Variants in TBX4 observed in about 807,000 individuals in gnomAD.
TBX4 encodes T-box transcription factor TBX4.
TBX4 carries 13 observed loss-of-function variants against 54.6 expected under a neutral mutation model. The ratio of observed to expected loss-of-function variants is 0.24; its 90% CI spans 0.15 to 0.38. TBX4 has a LOEUF of 0.38. TBX4 is among the 10% of genes least tolerant of loss of function. The probability of loss-of-function intolerance (pLI) is 1.00; values close to 1 mark genes in which losing one functional copy is unlikely to be tolerated. For synonymous variants in TBX4, 314 were observed against 306.7 expected (o/e 1.02, Z -0.25); for missense variants, 631 against 728.5 (o/e 0.87, Z 1.54).
chr17:61,481,757 T>G lies in TBX4; in HGVS notation c.1022-1140T>G, dbSNP rs1328530049. On this transcript the variant is annotated intron_variant, in intron 8 of 8. Transcript: ENST00000644296. This position sits in a 1 kb window ranked among gnomAD's most constrained non-coding sequence, Gnocchi z 4.8. ...CAAGATGAGCCATGGATGTGTGGGG[T>G]TTTTGTTGTTGTTGTTGTCCTTGTT... The G allele has an allele frequency of 2.6e-5, 4 of 151,532 alleles. No individual in the cohort carries two copies. Among genetic ancestry groups the G allele is most frequent in the Non-Finnish European group, 5.9e-5 (4 of 68,074 alleles). 9.4% of individuals were successfully genotyped at this position (151,532 alleles called of 1,614,324 possible).
intron 1 of TBX4, chr17:61,452,788 T>G: frequency 1.7e-5 from 8 of 482,966 alleles, no homozygotes; most frequent in Non-Finnish European, 2.2e-5. Flanking sequence ...CGACACCCAG[T>G]AGTTGGGGCA....
In TBX4 at chr17:61,474,348, C is replaced by G. The variant is rs1379894283; in HGVS notation, c.550-4279C>G. Among the ~76,000 whole-genome samples the G allele has an allele frequency of 6.6e-6, 1 of 152,286 alleles. No individual in the cohort carries two copies. Among genetic ancestry groups the G allele is most frequent in the East Asian group, 1.9e-4 (1 of 5,186 alleles). ...GAGCTTGTTGAGAGCAGTGTGTGCTCTCTCACAGGCCATCTGGATCCTGCT... is the reference window on the plus strand; with the variant it reads ...GAGCTTGTTGAGAGCAGTGTGTGCTGTCTCACAGGCCATCTGGATCCTGCT... On this transcript the variant is annotated intron_variant, in intron 5 of 8. Coordinates refer to ENST00000644296, the MANE Select transcript of TBX4 (RefSeq NM_001321120.2). This position sits in a 1 kb window ranked among gnomAD's most constrained non-coding sequence, Gnocchi z 4.6.
chr17:61,475,721 G>A lies in TBX4; in HGVS notation c.550-2906G>A, dbSNP rs1238623568. Among the ~76,000 whole-genome samples the A allele has an allele frequency of 6.6e-6, 1 of 152,164 alleles. No homozygotes were observed. The highest frequency in any genetic ancestry group is 6.5e-5 in the Admixed American group (1 of 15,284). On this transcript the variant is annotated intron_variant, in intron 5 of 8. Coordinates refer to ENST00000644296, the MANE Select transcript of TBX4 (RefSeq NM_001321120.2). This position sits in a 1 kb window ranked among gnomAD's most constrained non-coding sequence, Gnocchi z 5.0. ...GTGTCACAGGAGCAGGGTGGCTGCTGCCATGTGTCCTAGTGTCCTGCACAG... is the reference window on the plus strand; with the variant it reads ...GTGTCACAGGAGCAGGGTGGCTGCTACCATGTGTCCTAGTGTCCTGCACAG...
rs2060652349 is a variant in TBX4 at position 61,480,047 on chromosome 17, C to T, written c.792-43C>T. The T allele has an allele frequency of 6.2e-7, 1 of 1,611,396 alleles. No individual in the cohort carries two copies. Among genetic ancestry groups the T allele is most frequent in the Admixed American group, 1.7e-5 (1 of 60,022 alleles). ...GCCTCTGTGACCCTCGATGTATCTT[C>T]ACTCTCTTCCTGTCTCTCCTCCTGT... On this transcript the variant is annotated intron_variant, in intron 7 of 8. Coordinates refer to ENST00000644296, the MANE Select transcript of TBX4 (RefSeq NM_001321120.2). The surrounding 1 kb of genome is among the most constrained non-coding windows in gnomAD (Gnocchi z 6.2).
At chr17:61,471,861 G>C (rs2060580841) in intron 5 of TBX4, among the ~76,000 whole-genome samples, 1 of 150,608 alleles carries the variant, frequency 6.6e-6, no homozygotes, top group Admixed American at 6.6e-5. Context: ...GAATAGCTGG[G>C]ATTACAGGTG....
Position 61,461,211 on chromosome 17 carries a change from C to A in TBX4, c.281+3580C>A, listed in dbSNP as rs1254720493. Among the ~76,000 whole-genome samples, 1 of 152,330 alleles carries A rather than the reference C, an allele frequency of 6.6e-6. No individual in the cohort carries two copies. Among genetic ancestry groups the A allele is most frequent in the Admixed American group, 6.5e-5 (1 of 15,306 alleles). The stretch of plus-strand genomic sequence containing the variant: ...CAACATCCATTCCACACACTCTCAC[C>A]CCTGCCCCTCCCTCAGGGAAAAGAT... On this transcript the variant is annotated intron_variant, in intron 3 of 8. Transcript: ENST00000644296. This position sits in a 1 kb window ranked among gnomAD's most constrained non-coding sequence, Gnocchi z 5.1.
intron 5 of TBX4, among the ~76,000 whole-genome samples, chr17:61,469,748 CAT>C (rs1372221130): frequency 1.3e-5 from 2 of 152,214 alleles, no homozygotes; most frequent in Non-Finnish European, 2.9e-5. Flanking sequence ...TGTGGAGAGA[CAT>C]ATCAGGGCAC....
At chr17:61,482,621 G>A (rs1348878860) in intron 8 of TBX4, among the ~76,000 whole-genome samples, 2 of 152,230 alleles carry the variant, frequency 1.3e-5, no homozygotes, top group African/African-American at 4.8e-5. Flanking sequence ...GCTGGCGAAG[G>A]ATCAAAGCCG....
intron 2 of TBX4, among the ~76,000 whole-genome samples, chr17:61,456,908 C>A (rs559282559): frequency 5.9e-5 from 9 of 152,308 alleles, no homozygotes; most frequent in African/African-American, 2.2e-4. Context: ...AGAGCTAGAG[C>A]TAGAGATAGA....
chr17:61,478,720 T>G lies in TBX4; in HGVS notation c.643T>G (p.Cys215Gly). The G allele has an allele frequency of 6.2e-7, 1 of 1,614,236 alleles. No individual in the cohort carries two copies. Among genetic ancestry groups the G allele is most frequent in the South Asian group, 1.1e-5 (1 of 91,090 alleles). ...TTTCGGCTCCAAAAACACTGCTTTC[T>G]GCACCCACGTGTTCCCAGAGACCTC... Reference protein sequence around the residue: ...NAFGSKNTAFCTHVFPETSFI... With the variant: ...NAFGSKNTAFGTHVFPETSFI... Residue 215 changes from cysteine to glycine, a missense_variant, in exon 6 of 9, where the codon TGC becomes GGC. Transcript: ENST00000644296. The surrounding 1 kb of genome is among the most constrained non-coding windows in gnomAD (Gnocchi z 7.4).
At chr17:61,456,783 A>T (rs2060453829) in intron 2 of TBX4, 107 bp downstream of exon 2, 1 of 882,390 alleles carries the variant, frequency 1.1e-6, no homozygotes, top group East Asian at 3.7e-5. Flanking sequence ...TTTCAGGAGG[A>T]CCTGGCTGCA....
At chr17:61,467,455 T>A (rs1404204487) in intron 4 of TBX4, 55 bp from the exon 5 acceptor site, 1 of 1,612,084 alleles carries the variant, frequency 6.2e-7, no homozygotes, top group Non-Finnish European at 8.5e-7. Context: ...GGACGGGGAA[T>A]CTGGCCTCAC....
At chr17:61,463,687 G>T (rs908968511) in intron 3 of TBX4, among the ~76,000 whole-genome samples, 1 of 152,260 alleles carries the variant, frequency 6.6e-6, no homozygotes, top group Non-Finnish European at 1.5e-5. Context: ...GCCCTGGAGG[G>T]AAGCCATGGC....
rs1361270802 is a variant in TBX4 at position 61,484,811 on chromosome 17, G to C, written c.*1295G>C. On this transcript the variant is annotated 3_prime_UTR_variant, in exon 9 of 9. Coordinates refer to ENST00000644296, the MANE Select transcript of TBX4 (RefSeq NM_001321120.2). This position sits in a 1 kb window ranked among gnomAD's most constrained non-coding sequence, Gnocchi z 4.1. ...AAATGCAGGCCACATGTCAAATTCAGCTTTGCTTTCTACAAATGAATGAAC... is the reference window on the plus strand; with the variant it reads ...AAATGCAGGCCACATGTCAAATTCACCTTTGCTTTCTACAAATGAATGAAC... 2 of 148,270 alleles carry C rather than the reference G, an allele frequency of 1.3e-5. No homozygotes were observed. The highest frequency in any genetic ancestry group is 3.0e-5 in the Non-Finnish European group (2 of 67,234). The allele number at this position is 148,270 out of a possible 1,614,324, so 9.2% of individuals were successfully genotyped here. A position where few individuals can be genotyped will look rare whatever the true frequency, so the allele number is the denominator to read the frequency against.
Position 61,475,450 on chromosome 17 carries a change from T to A in TBX4, c.550-3177T>A, listed in dbSNP as rs2060613453. On this transcript the variant is annotated intron_variant, in intron 5 of 8. Coordinates refer to ENST00000644296, the MANE Select transcript of TBX4 (RefSeq NM_001321120.2). This position sits in a 1 kb window ranked among gnomAD's most constrained non-coding sequence, Gnocchi z 5.0. ...TGAGCAGGGGAGTGAACTGATGGGA[T>A]GTGTTTCAGGAGGAAATGGAGAGAA... 6.6e-6 allele frequency among the ~76,000 whole-genome samples: 1 copy of A among 152,048 alleles called. No individual in the cohort carries two copies. Among genetic ancestry groups the A allele is most frequent in the Non-Finnish European group, 1.5e-5 (1 of 68,000 alleles).
In TBX4 at chr17:61,484,949, T is replaced by TAA. The variant is rs2060693458; in HGVS notation, c.*1434_*1435insAA. On this transcript the variant is annotated 3_prime_UTR_variant, in exon 9 of 9. Coordinates refer to ENST00000644296, the MANE Select transcript of TBX4 (RefSeq NM_001321120.2). This position sits in a 1 kb window ranked among gnomAD's most constrained non-coding sequence, Gnocchi z 4.1. Reference sequence around the variant, plus strand: ...TTTAGATAAAACATATAAATAAATATATATATATATATATATATATATAAA... The same window carrying TAA: ...TTTAGATAAAACATATAAATAAATATAAATATATATATATATATATATATAAA... 1.1e-5 allele frequency: 1 copy of TAA among 92,586 alleles called. No individual in the cohort carries two copies. The highest frequency in any genetic ancestry group is 3.6e-5 in the African/African-American group (1 of 27,950). The allele number at this position is 92,586 out of a possible 1,614,324, so 5.7% of individuals were successfully genotyped here. A position where few individuals can be genotyped will look rare whatever the true frequency, so the allele number is the denominator to read the frequency against.
At chr17:61,453,020 TGATGCAATAGAC>T in intron 1 of TBX4, 1 of 982,152 alleles carries the variant, frequency 1.0e-6, no homozygotes, top group Non-Finnish European at 1.2e-6. Context: ...TCAGAGCCTT[TGATGCAATAGAC>T]TAGTCAAAAT....
At position 61,462,746 on chromosome 17, in the gene TBX4, C is replaced by T. The variant is rs2060505951; in HGVS notation, c.282-3073C>T. 1 of 152,184 alleles carries T rather than the reference C, an allele frequency of 6.6e-6. No homozygotes were observed. The highest frequency in any genetic ancestry group is 1.5e-5 in the Non-Finnish European group (1 of 68,080). 9.4% of individuals were successfully genotyped at this position (152,184 alleles called of 1,614,324 possible). A position where few individuals can be genotyped will look rare whatever the true frequency, so the allele number is the denominator to read the frequency against. On this transcript the variant is annotated intron_variant, in intron 3 of 8. Transcript: ENST00000644296. The surrounding 1 kb of genome is among the most constrained non-coding windows in gnomAD (Gnocchi z 4.5). ...CACACAAACAGGGAGGCGTTGCTTT[C>T]CACCGTAGGGTGTTGGTTTTCAGGT...
intron 5 of TBX4, among the ~76,000 whole-genome samples, chr17:61,477,446 G>A (rs760293444): frequency 2.0e-5 from 3 of 152,288 alleles, no homozygotes; most frequent in South Asian, 2.1e-4. Context: ...CCCAGCCCAC[G>A]GCATCCTCAA....
Sources: gnomAD v4.1 joint callset for allele counts (sites outside exome capture counted in the v4.1 genomes callset) on GRCh38, gnomAD v4.1.1 for gene constraint, Gnocchi (gnomAD v3.1) non-coding constraint, MANE v1.5 for transcripts, NCBI Gene and HGNC (gene_info 2026-07-23, HGNC 2026-07-21) for gene names.